The following TMPRSS2 variants were observed in gnomAD, a reference collection of about 807,000 sequenced individuals.
TMPRSS2 encodes transmembrane serine protease 2.
Under a neutral mutation model 67.4 loss-of-function variants are expected in TMPRSS2, and 59 were observed. The ratio of observed to expected loss-of-function variants is 0.88; its 90% CI spans 0.71 to 1.09. The LOEUF (loss-of-function observed/expected upper bound fraction) is 1.09, where lower values mean the gene tolerates loss of function less well. Among genes scored for constraint, TMPRSS2 ranks in the 50% least tolerant of loss-of-function variants. The probability of loss-of-function intolerance (pLI) is 0.00; values close to 1 mark genes in which losing one functional copy is unlikely to be tolerated. For missense variants in TMPRSS2, 668 were observed against 642.7 expected, an observed-to-expected ratio of 1.04 and a Z score of -0.43; for synonymous variants, 257 against 257.0, an observed-to-expected ratio of 1.00 and a Z score of 0.00.
At chr21:41,470,281 G>C (rs758426874) in intron 11 of TMPRSS2, among the ~76,000 whole-genome samples, 2 of 152,124 alleles carry the variant, frequency 1.3e-5, no homozygotes, top group African/African-American at 2.4e-5. Flanking sequence ...CAGGATGCCC[G>C]TCCTCACCAA....
chr21:41,493,946 T>A (rs1245092112), intron 3 of TMPRSS2, among the ~76,000 whole-genome samples: 3 of 152,236 alleles, frequency 2.0e-5, no homozygotes, highest in Admixed American at 6.5e-5. Context: ...ATCTTAAACA[T>A]GACCTGTCAT....
chr21:41,470,859 C>T, intron 10 of TMPRSS2, 116 bp from the exon 11 acceptor site: 1 of 699,618 alleles, frequency 1.4e-6, no homozygotes, highest in Non-Finnish European at 2.3e-6. Flanking sequence ...CCAGAGGACC[C>T]TGCATCCCAA....
Position 41,476,471 on chromosome 21 carries a change from C to T in TMPRSS2, c.727+106G>A, listed in dbSNP as rs111383922. On this transcript the variant is annotated intron_variant, in intron 8 of 13. Coordinates refer to ENST00000332149, the MANE Select transcript of TMPRSS2 (RefSeq NM_005656.4). ...CTGGGCACATTCCAACCCGTGACCC[C>T]ACCTTCTTCCCTCCCACGCCCCCAG... 2.6e-3 allele frequency: 3,080 copies of T among 1,173,346 alleles called. 13 individuals are homozygous for T. Among genetic ancestry groups the T allele is most frequent in the Middle Eastern group, 9.1e-3 (47 of 5,186 alleles). 72.7% of individuals were successfully genotyped at this position (1,173,346 alleles called of 1,614,324 possible).
intron 5 of TMPRSS2, among the ~76,000 whole-genome samples, chr21:41,486,289 G>A (rs1336562573): frequency 6.6e-6 from 1 of 152,132 alleles, no homozygotes; most frequent in Non-Finnish European, 1.5e-5. Context: ...ACATGGCTGT[G>A]CTTGGGAAAT....
rs769402700 is a variant in TMPRSS2, at chr21:41,473,309, G to C, written c.899+16C>G. On this transcript the variant is annotated intron_variant, in intron 9 of 13. Transcript: ENST00000332149. Reference sequence around the variant, plus strand: ...AGCCCTGAGCCCCCACCCGGCCCGCGCCGCCCCTGGCATACTTTTCCACGC... The same window carrying C: ...AGCCCTGAGCCCCCACCCGGCCCGCCCCGCCCCTGGCATACTTTTCCACGC... The C allele has an allele frequency of 6.8e-5, 106 of 1,569,528 alleles. No individual in the cohort carries two copies. The highest frequency in any genetic ancestry group is 8.5e-5 in the Non-Finnish European group (98 of 1,154,844).
At chr21:41,483,682 G>A (rs2091274315) in intron 5 of TMPRSS2, among the ~76,000 whole-genome samples, 1 of 151,796 alleles carries the variant, frequency 6.6e-6, no homozygotes, top group South Asian at 2.1e-4. Context: ...TAATTTTAGG[G>A]ATTTTCTTTC....
At chr21:41,502,374 T>A in intron 1 of TMPRSS2, 1 of 985,284 alleles carries the variant, frequency 1.0e-6, no homozygotes, top group Admixed American at 6.1e-5. Context: ...TCCACTGACC[T>A]CACCGTGCAC....
chr21:41,479,417 C>T, intron 6 of TMPRSS2, 135 bp from the exon 7 acceptor site: 2 of 656,726 alleles, frequency 3.0e-6, no homozygotes, highest in Non-Finnish European at 5.1e-6. Flanking sequence ...AAAAATCACA[C>T]GTTCTAACCA....
At chr21:41,505,777 G>C (rs2091453634) in intron 1 of TMPRSS2, among the ~76,000 whole-genome samples, 1 of 152,124 alleles carries the variant, frequency 6.6e-6, no homozygotes, top group Non-Finnish European at 1.5e-5. Flanking sequence ...CAACATCCTG[G>C]AGGGAGAACC....
intron 1 of TMPRSS2, among the ~76,000 whole-genome samples, chr21:41,504,038 C>T (rs994581409): frequency 2.0e-5 from 3 of 152,242 alleles, no homozygotes; most frequent in Non-Finnish European, 4.4e-5. Flanking sequence ...GCACCTCGTA[C>T]AAACAAGCAA....
In TMPRSS2 at chr21:41,473,416, G is replaced by A. The variant is rs1313725740; in HGVS notation, c.808C>T (p.Gln270Ter). The change falls in exon 9 of 14, where the codon CAG (glutamine) becomes TAG (stop). Residue 270 changes from glutamine to a stop codon, truncating the protein, a stop_gained. Transcript: ENST00000332149. LOFTEE classifies it high-confidence loss of function. ...ACGTTCTGGACGTGCAGGCTGACCT[G>A]CCAGGGCCAGGCCCCCGGGAGCGCG... ...ESALPGAWPWQVSLHVQNVHV... is the reference protein window; with the variant it reads ...ESALPGAWPW 1 of 1,610,130 alleles carries A rather than the reference G, an allele frequency of 6.2e-7. No individual in the cohort carries two copies. Among genetic ancestry groups the A allele is most frequent in the East Asian group, 2.2e-5 (1 of 44,826 alleles).
At position 41,508,098 on chromosome 21, in the gene TMPRSS2, G is replaced by A; in HGVS notation, c.-74C>T. On this transcript the variant is annotated 5_prime_UTR_variant, in exon 1 of 14. Coordinates refer to ENST00000332149, the MANE Select transcript of TMPRSS2 (RefSeq NM_005656.4). ...CCGCTCACCTGCCGCGCTCCAGGCG[G>A]CGCTCCCCGCCCCTCGCCCTCCGCC... 8.2e-7 allele frequency: 1 copy of A among 1,220,342 alleles called. No individual in the cohort carries two copies. Among genetic ancestry groups the A allele is most frequent in the Non-Finnish European group, 1.0e-6 (1 of 955,162 alleles). The allele number at this position is 1,220,342 out of a possible 1,614,324, so 75.6% of individuals were successfully genotyped here.
intron 2 of TMPRSS2, 153 bp from the exon 3 acceptor site, chr21:41,494,731 C>T (rs1189257705): frequency 3.8e-6 from 3 of 789,012 alleles, no homozygotes; most frequent in Admixed American, 2.1e-5. Flanking sequence ...CCTGTCTATA[C>T]AACTTGTACA....
chr21:41,489,043 C>G (rs937815308), intron 4 of TMPRSS2, among the ~76,000 whole-genome samples: 1 of 152,114 alleles, frequency 6.6e-6, no homozygotes, highest in East Asian at 1.9e-4. Context: ...TGGGAAGGAC[C>G]CTCTCAGTGT....
chr21:41,473,441 G>A lies in TMPRSS2; in HGVS notation c.783C>T (p.Ser261=), dbSNP rs145355824. ...GCCAGGGCCAGGCCCCCGGGAGCGC[G>A]CTCTCGCCGCCCACAATCCTGCTCT... is the stretch of plus-strand genomic sequence containing the variant. ...SRQSRIVGGE[S]ALPGAWPWQV... is the part of the protein sequence containing the mutation. The change falls in exon 9 of 14, where the codon AGC becomes AGT. Residue 261 remains serine, a synonymous_variant. Transcript: ENST00000332149. 4.8e-5 allele frequency: 78 copies of A among 1,610,160 alleles called. No individual in the cohort carries two copies. In the Middle Eastern group the frequency reaches 2.1e-3, roughly 44 times the overall value.
At chr21:41,494,799 G>A (rs374203194) in intron 2 of TMPRSS2, 584 of 593,900 alleles carry the variant, frequency 9.8e-4, no homozygotes, top group African/African-American at 1.4e-3. Flanking sequence ...GGCTGGGTGC[G>A]GTGGCTCATG....
rs1047205978 is a variant in TMPRSS2, at chr21:41,476,453, C to G, written c.727+124G>C. ...GGAAAGAGCGAGACGCCGCTGGGCA[C>G]ATTCCAACCCGTGACCCCACCTTCT... On this transcript the variant is annotated intron_variant, in intron 8 of 13. Coordinates refer to ENST00000332149, the MANE Select transcript of TMPRSS2 (RefSeq NM_005656.4). 5.3e-6 allele frequency: 5 copies of G among 943,538 alleles called. No homozygotes were observed. The African/African-American group carries it at 8.3e-5, about 16-fold the overall frequency. 58.4% of individuals were successfully genotyped at this position (943,538 alleles called of 1,614,324 possible). A position where few individuals can be genotyped will look rare whatever the true frequency, so the allele number is the denominator to read the frequency against.
intron 8 of TMPRSS2, 67 bp from the exon 9 acceptor site, chr21:41,473,563 GC>G: frequency 6.6e-7 from 1 of 1,504,434 alleles, no homozygotes. Context: ...CCCAGCGCCC[GC>G]CCCTCCCAAG....
rs1260819364 is a variant in TMPRSS2 at position 41,468,532 on chromosome 21, G to C, written c.1178C>G (p.Thr393Ser). 6.2e-7 allele frequency: 1 copy of C among 1,614,084 alleles called. No homozygotes were observed. The highest frequency in any genetic ancestry group is 8.5e-7 in the Non-Finnish European group (1 of 1,180,014). The change falls in exon 12 of 14, where the codon ACC (threonine) becomes AGC (serine). Residue 393 changes from threonine to serine, a missense_variant. Thr to Ser is a moderately conservative substitution (Grantham distance 58). Transcript: ENST00000332149. The stretch of plus-strand genomic sequence containing the variant: ...CTTGGCAGCGTTCAGCACTTCTGAG[G>C]TCTTCCCTAAGGACAGGGAGACTTG... ...GWGATEEKGKTSEVLNAAKVL... is the reference protein window; with the variant it reads ...GWGATEEKGKSSEVLNAAKVL...
Sources: gnomAD v4.1 joint callset for allele counts (sites outside exome capture counted in the v4.1 genomes callset) on GRCh38, gnomAD v4.1.1 for gene constraint, MANE v1.5 for transcripts, NCBI Gene and HGNC (gene_info 2026-07-23, HGNC 2026-07-21) for gene names.